YTHDC2: variants seen among roughly 807,000 people sequenced by gnomAD.
YTHDC2 encodes YTH N6-methyladenosine RNA binding protein C2.
YTHDC2 carries 45 observed loss-of-function variants against 174.9 expected under a neutral mutation model. That is an observed-to-expected ratio of 0.26 (90% CI 0.20 to 0.33). The LOEUF is 0.33. Among genes scored for constraint, YTHDC2 ranks in the 10% least tolerant of loss-of-function variants. The probability of loss-of-function intolerance (pLI) is 1.00; values close to 1 mark genes in which losing one functional copy is unlikely to be tolerated. For synonymous variants in YTHDC2, 657 were observed against 574.5 expected (o/e 1.14, Z -2.05); for missense variants, 1,650 against 1,723.7 (o/e 0.96, Z 0.76).
chr5:113,567,927 A>T, intron 23 of YTHDC2, 78 bp downstream of exon 23: 1 of 1,139,142 alleles, frequency 8.8e-7, no homozygotes, highest in Non-Finnish European at 1.2e-6. Context: ...ATTTTACTAA[A>T]CCAAATAATG....
In YTHDC2 at chr5:113,566,039, G is replaced by T. The variant is rs185129684; in HGVS notation, c.2842+20G>T. 1 of 1,589,842 alleles carries T rather than the reference G, an allele frequency of 6.3e-7. No homozygotes were observed. The highest frequency in any genetic ancestry group is 1.8e-5 in the Admixed American group (1 of 55,832). On this transcript the variant is annotated intron_variant, in intron 21 of 29. Coordinates refer to ENST00000161863, the MANE Select transcript of YTHDC2 (RefSeq NM_022828.5). ...CATCAGGTAAAGTTTTTCCCTCAAA[G>T]AGCCTATTTAAGTTACTGAGAGTAC... is the stretch of plus-strand genomic sequence containing the variant.
intron 9 of YTHDC2, among the ~76,000 whole-genome samples, chr5:113,541,461 G>T (rs1013969026): frequency 6.6e-6 from 1 of 152,042 alleles, no homozygotes; most frequent in East Asian, 1.9e-4. Context: ...AAAGTGCTGG[G>T]ATTACAGGAG....
chr5:113,543,731 C>T (rs1396076610), intron 10 of YTHDC2, among the ~76,000 whole-genome samples: 2 of 152,146 alleles, frequency 1.3e-5, no homozygotes, highest in Admixed American at 6.5e-5. Context: ...TATTTTTTGC[C>T]ACTTGCCTCC....
At chr5:113,576,102 A>C (rs868049797) in intron 23 of YTHDC2, among the ~76,000 whole-genome samples, 1 of 152,176 alleles carries the variant, frequency 6.6e-6, no homozygotes, top group South Asian at 2.1e-4. Flanking sequence ...CACTCTAAGT[A>C]AATTTTTTTT....
intron 19 of YTHDC2, 21 bp from the exon 20 acceptor site, chr5:113,563,838 G>C (rs756292226): frequency 6.2e-7 from 1 of 1,613,532 alleles, no homozygotes; most frequent in Non-Finnish European, 8.5e-7. Context: ...ATCAAAGTCT[G>C]TTCTGTCTCC....
chr5:113,527,187 A>G (rs1156362392), intron 4 of YTHDC2, among the ~76,000 whole-genome samples: 2 of 152,152 alleles, frequency 1.3e-5, no homozygotes, highest in African/African-American at 4.8e-5. Flanking sequence ...AATGGGACTA[A>G]TCATTGCTAC....
At position 113,584,340 on chromosome 5, in the gene YTHDC2, C is replaced by G. The variant is rs747167559; in HGVS notation, c.3686C>G (p.Pro1229Arg). Residue 1229 changes from proline to arginine, a missense_variant, in exon 26 of 30, where the codon CCT becomes CGT. Pro to Arg is a moderately radical substitution (Grantham distance 103). Around this residue, in one of 5 missense-constraint regions of YTHDC2, gnomAD observed 913 missense variants for 940.4 expected, o/e 0.97. Transcript: ENST00000161863. ...MKSPSPALHPPQKYKDRGILH... is the reference protein window; with the variant it reads ...MKSPSPALHPRQKYKDRGILH... Reference sequence around the variant, plus strand: ...TCTCCATCTCCAGCATTACACCCACCTCAGAAGTACAAAGATAGAGGAATT... The same window carrying G: ...TCTCCATCTCCAGCATTACACCCACGTCAGAAGTACAAAGATAGAGGAATT... The G allele has an allele frequency of 1.2e-5, 20 of 1,613,638 alleles. No homozygotes were observed. The South Asian group carries it at 2.2e-4, about 18-fold the overall frequency.
At chr5:113,538,390 G>A (rs904416548) in intron 7 of YTHDC2, among the ~76,000 whole-genome samples, 3 of 152,020 alleles carry the variant, frequency 2.0e-5, no homozygotes, top group Admixed American at 1.3e-4. Flanking sequence ...CCCTTAGTAA[G>A]ACTTATCTTT....
At chr5:113,522,701 AG>A (rs1773960792) in intron 2 of YTHDC2, among the ~76,000 whole-genome samples, 1 of 152,206 alleles carries the variant, frequency 6.6e-6, no homozygotes, top group Non-Finnish European at 1.5e-5. Flanking sequence ...TAGTTTACGT[AG>A]TATGACAAAT....
chr5:113,571,341 G>A (rs985322892), intron 23 of YTHDC2, among the ~76,000 whole-genome samples: 1 of 152,132 alleles, frequency 6.6e-6, no homozygotes, highest in African/African-American at 2.4e-5. Flanking sequence ...CTTGATTGTG[G>A]TGGACAAGCA....
intron 4 of YTHDC2, among the ~76,000 whole-genome samples, chr5:113,530,151 A>T (rs1774556813): frequency 6.6e-6 from 1 of 152,204 alleles, no homozygotes; most frequent in Non-Finnish European, 1.5e-5. Context: ...TAAAAAATTC[A>T]TCTGAAATTT....
intron 10 of YTHDC2, 112 bp from the exon 11 acceptor site, chr5:113,548,429 C>G: frequency 1.9e-6 from 2 of 1,044,458 alleles, no homozygotes; most frequent in Non-Finnish European, 2.7e-6. Context: ...AGGAGCAACT[C>G]TCAGGCTAAT....
intron 10 of YTHDC2, among the ~76,000 whole-genome samples, chr5:113,548,216 G>T (rs1212037039): frequency 6.6e-6 from 1 of 152,150 alleles, no homozygotes; most frequent in African/African-American, 2.4e-5. Context: ...CTAGATTTAG[G>T]AAGATTATTT....
Position 113,561,169 on chromosome 5 carries a change from T to C in YTHDC2, c.2306T>C (p.Leu769Ser). The change falls in exon 18 of 30, where the codon TTG becomes TCG. Residue 769 changes from leucine to serine, a missense_variant. Around this residue, in one of 5 missense-constraint regions of YTHDC2, gnomAD observed 913 missense variants for 940.4 expected, o/e 0.97. Coordinates refer to ENST00000161863, the MANE Select transcript of YTHDC2 (RefSeq NM_022828.5). ...TTGGAATTTCAGACTCCGGAACTTT[T>C]GAGAATGCCATTACAGGTAAAAATT... ...NMLEFQTPEL[L>S]RMPLQELCLH... 6.2e-7 allele frequency: 1 copy of C among 1,613,164 alleles called. No homozygotes were observed. The highest frequency in any genetic ancestry group is 1.7e-4 in the Middle Eastern group (1 of 6,056).
intron 23 of YTHDC2, among the ~76,000 whole-genome samples, chr5:113,579,223 A>G (rs1286620985): frequency 2.6e-5 from 4 of 152,100 alleles, no homozygotes; most frequent in Non-Finnish European, 5.9e-5. Context: ...GTGACTTTAT[A>G]AGAGTATTGC....
intron 10 of YTHDC2, among the ~76,000 whole-genome samples, chr5:113,544,471 GCATCTTTAC>G (rs1775714870): frequency 6.6e-6 from 1 of 152,044 alleles, no homozygotes; most frequent in Non-Finnish European, 1.5e-5. Context: ...TTACTTTTAA[GCATCTTTAC>G]CACATGATAA....
intron 12 of YTHDC2, among the ~76,000 whole-genome samples, chr5:113,549,813 C>G (rs965331834): frequency 6.6e-5 from 10 of 151,872 alleles, no homozygotes; most frequent in Non-Finnish European, 1.2e-4. Flanking sequence ...TATTGTCTAT[C>G]TCTTCTCCCT....
rs60017425 is a variant in YTHDC2, at chr5:113,558,921, C to CAA, written c.2217-2144_2217-2143dup. 1.4e-3 allele frequency among the ~76,000 whole-genome samples: 164 copies of CAA among 121,250 alleles called. 1 individual carries two copies. The highest frequency in any genetic ancestry group is 3.1e-3 in the African/African-American group (104 of 33,684). 79.5% of individuals were successfully genotyped at this position (121,250 alleles called of 152,430 possible). A position where few individuals can be genotyped will look rare whatever the true frequency, so the allele number is the denominator to read the frequency against. ...TGGGTGACAGAGCAAGACTCCGTCT[C>CAA]AAAAAAAAAAAAAAAAGAAAATCTA... On this transcript the variant is annotated intron_variant, in intron 17 of 29. Transcript: ENST00000161863.
rs747601635 is a variant in YTHDC2, at chr5:113,564,116, T to C, written c.2700T>C (p.Leu900=). 5.0e-6 allele frequency: 8 copies of C among 1,613,898 alleles called. No homozygotes were observed. Among genetic ancestry groups the C allele is most frequent in the Non-Finnish European group, 6.8e-6 (8 of 1,179,860 alleles). ...GAGCTTTCAGTGACCATATGGCACT[T>C]CTCAGAGCATTCCAGGTACTATTAC... The part of the protein sequence containing the change: ...TAGAFSDHMA[L]LRAFQAWQKA... The change falls in exon 20 of 30, where the codon CTT becomes CTC. Residue 900 remains leucine (L), a synonymous_variant. Transcript: ENST00000161863.
Sources: gnomAD v4.1 joint callset for allele counts (sites outside exome capture counted in the v4.1 genomes callset) on GRCh38, gnomAD v4.1.1 for gene constraint, gnomAD v4.1.1 regional missense constraint, MANE v1.5 for transcripts, NCBI Gene and HGNC (gene_info 2026-07-23, HGNC 2026-07-21) for gene names.